PHOX2B: variants seen among roughly 807,000 people sequenced by gnomAD.
The protein encoded by PHOX2B is paired like homeobox 2B.
PHOX2B carries 1 observed loss-of-function variant against 15.5 expected under a neutral mutation model. The ratio of observed to expected loss-of-function variants is 0.06; its 90% confidence interval spans 0.02 to 0.31. PHOX2B has a LOEUF of 0.31. Ranked by LOEUF, PHOX2B falls within the 10% of genes least tolerant of loss-of-function variation. The pLI, the probability that PHOX2B is intolerant of heterozygous loss-of-function variation, is 1.00. For synonymous variants in PHOX2B, 206 were observed against 190.5 expected, an observed-to-expected ratio of 1.08 and a Z score of -0.67; for missense variants, 314 against 436.4, an observed-to-expected ratio of 0.72 and a Z score of 2.50.
intron 1 of PHOX2B, 25 bp downstream of exon 1, chr4:41,748,345 C>T (rs969971317): frequency 1.9e-6 from 3 of 1,613,140 alleles, no homozygotes; most frequent in Non-Finnish European, 2.5e-6. Flanking sequence ...CGGCTTCCTC[C>T]GCTGAGAAAG....
Position 41,745,206 on chromosome 4 carries a change from G to C in PHOX2B, c.*601C>G, listed in dbSNP as rs993284823. On this transcript the variant is annotated 3_prime_UTR_variant, in exon 3 of 3. Coordinates refer to ENST00000226382, the MANE Select transcript of PHOX2B (RefSeq NM_003924.4). The surrounding 1 kb of genome is among the most constrained non-coding windows in gnomAD (Gnocchi z 4.0). ...AGCGGATTTAGGGGTTCACAAGATC[G>C]AGCCTTCAGCTCCAGCTGCAGCTTC... 19 of 233,240 alleles carry C rather than the reference G, an allele frequency of 8.1e-5. No individual in the cohort carries two copies. The highest frequency in any genetic ancestry group is 4.2e-4 in the African/African-American group (19 of 45,310). The allele number at this position is 233,240 out of a possible 1,614,324, so 14.4% of individuals were successfully genotyped here.
rs764220516 is a variant in PHOX2B, at chr4:41,745,972, AGCTGCCGCC to A, written c.771_779del (p.Ala258_Ala260del). On this transcript the variant is annotated inframe_deletion, in exon 3 of 3. Coordinates refer to ENST00000226382, the MANE Select transcript of PHOX2B (RefSeq NM_003924.4). This position sits in a 1 kb window ranked among gnomAD's most constrained non-coding sequence, Gnocchi z 4.0. The stretch of plus-strand genomic sequence containing the variant: ...GGCCCCCAGCCGCAGCCAGGCCTCC[AGCTGCCGCC>A]GCTGCCGCTGCCGCCGCCGCCGCTG... The A allele has an allele frequency of 2.3e-6, 3 of 1,328,454 alleles. No homozygotes were observed. The highest frequency in any genetic ancestry group is 6.8e-5 in the Admixed American group (2 of 29,544). The allele number at this position is 1,328,454 out of a possible 1,614,324, so 82.3% of individuals were successfully genotyped here. A position where few individuals can be genotyped will look rare whatever the true frequency, so the allele number is the denominator to read the frequency against.
chr4:41,745,692 A>G lies in PHOX2B; in HGVS notation c.*115T>C. 7.3e-7 allele frequency: 1 copy of G among 1,363,654 alleles called. No homozygotes were observed. The highest frequency in any genetic ancestry group is 1.4e-5 in the South Asian group (1 of 71,378). The allele number at this position is 1,363,654 out of a possible 1,614,324, so 84.5% of individuals were successfully genotyped here. On this transcript the variant is annotated 3_prime_UTR_variant, in exon 3 of 3. Transcript: ENST00000226382. The surrounding 1 kb of genome is among the most constrained non-coding windows in gnomAD (Gnocchi z 4.0). ...GCGATTACTTTAGGCCCTCAATGAA[A>G]AAGCCATGGCAGCAGCGACGACAAT...
In PHOX2B at chr4:41,745,716, A is replaced by G. The variant is rs1374538940; in HGVS notation, c.*91T>C. 3 of 1,486,834 alleles carry G rather than the reference A, an allele frequency of 2.0e-6. No individual in the cohort carries two copies. Among genetic ancestry groups the G allele is most frequent in the South Asian group, 2.5e-5 (2 of 78,742 alleles). The allele number at this position is 1,486,834 out of a possible 1,614,324, so 92.1% of individuals were successfully genotyped here. ...AAAAGCCATGGCAGCAGCGACGACA[A>G]TAGCCTTGGGCCTACCCGCTCGCCC... On this transcript the variant is annotated 3_prime_UTR_variant, in exon 3 of 3. Coordinates refer to ENST00000226382, the MANE Select transcript of PHOX2B (RefSeq NM_003924.4). The surrounding 1 kb of genome is among the most constrained non-coding windows in gnomAD (Gnocchi z 4.0).
chr4:41,747,173 G>T (rs1733927685), intron 2 of PHOX2B, among the ~76,000 whole-genome samples, 176 bp downstream of exon 2: 1 of 152,164 alleles, frequency 6.6e-6, no homozygotes, highest in Non-Finnish European at 1.5e-5. Context: ...AAGAGCGTGC[G>T]CTCTAAGCCT....
chr4:41,747,499 G>C lies in PHOX2B; in HGVS notation c.279C>G (p.Asn93Lys), dbSNP rs1459081022. The C allele has an allele frequency of 1.9e-6, 3 of 1,610,092 alleles. No individual in the cohort carries two copies. Among genetic ancestry groups the C allele is most frequent in the Non-Finnish European group, 2.5e-6 (3 of 1,179,980 alleles). ...GGATGCGCCGCTGCTTGCGCTTCTC[G>C]TTGAGGCCGCCGTGGTCCGTGAAGA... is the stretch of plus-strand genomic sequence containing the variant. ...YKLFTDHGGL[N>K]EKRKQRRIRT... Residue 93 changes from asparagine to lysine, a missense_variant, in exon 2 of 3, where the codon AAC becomes AAG. Physicochemically the swap from Asn to Lys is moderately conservative, Grantham distance 94. This residue lies in a region of PHOX2B where 102 missense variants were observed against 155.1 expected (regional missense o/e 0.66). Transcript: ENST00000226382.
rs962054269 is a variant in PHOX2B at position 41,744,799 on chromosome 4, G to C, written c.*1008C>G. ...AGCAGTGCCAAAAAGTTCAGTAAAA[G>C]CTGGTGGAAGAAGAAAATGCCGACG... On this transcript the variant is annotated 3_prime_UTR_variant, in exon 3 of 3. Transcript: ENST00000226382. The C allele has an allele frequency of 7.3e-5, 17 of 233,584 alleles. No individual in the cohort carries two copies. The East Asian group carries it at 9.0e-4, about 12-fold the overall frequency. The allele number at this position is 233,584 out of a possible 1,614,324, so 14.5% of individuals were successfully genotyped here.
In PHOX2B at chr4:41,745,613, G is replaced by A. The variant is rs186778106; in HGVS notation, c.*194C>T. The A allele has an allele frequency of 2.7e-3, 1,644 of 613,302 alleles. 2 individuals carry two copies. Among genetic ancestry groups the A allele is most frequent in the South Asian group, 8.2e-3 (367 of 45,024 alleles). 38.0% of individuals were successfully genotyped at this position (613,302 alleles called of 1,614,324 possible). A position where few individuals can be genotyped will look rare whatever the true frequency, so the allele number is the denominator to read the frequency against. On this transcript the variant is annotated 3_prime_UTR_variant, in exon 3 of 3. Coordinates refer to ENST00000226382, the MANE Select transcript of PHOX2B (RefSeq NM_003924.4). The surrounding 1 kb of genome is among the most constrained non-coding windows in gnomAD (Gnocchi z 4.0). Reference sequence around the variant, plus strand: ...TTGTTTTGTTTGGGGGTTGAGGAAGGGGGTAGGAGTGGGGTTGAAATGAGG... The same window carrying A: ...TTGTTTTGTTTGGGGGTTGAGGAAGAGGGTAGGAGTGGGGTTGAAATGAGG...
chr4:41,748,016 TGTGAGCCGCTGTCG>T (rs775258033), intron 1 of PHOX2B, among the ~76,000 whole-genome samples: 18 of 151,952 alleles, frequency 1.2e-4, no homozygotes, highest in Non-Finnish European at 1.9e-4. Flanking sequence ...GCCAAAGAGG[TGTGAGCCGCTGTCG>T]GTTCTTAAAA....
rs77063847 is a variant in PHOX2B at position 41,746,691 on chromosome 4, T to C, written c.430-369A>G. On this transcript the variant is annotated intron_variant, in intron 2 of 2. Transcript: ENST00000226382. The stretch of plus-strand genomic sequence containing the variant: ...CACCCCTAAGCCTAAGTTCTAAAGT[T>C]AAACTCTAATTGGTAGAAGGAAAAG... Among the ~76,000 whole-genome samples, 1,169 of 150,454 alleles carry C rather than the reference T, an allele frequency of 7.8e-3. 25 individuals are homozygous for C. Among genetic ancestry groups the C allele is most frequent in the African/African-American group, 0.028 (1,116 of 40,176 alleles).
Position 41,745,884 on chromosome 4 carries a change from G to C in PHOX2B, c.868C>G (p.Pro290Ala), listed in dbSNP as rs2153112737. The change falls in exon 3 of 3, where the codon CCC (proline) becomes GCC (alanine). Residue 290 changes from proline (P) to alanine (A), a missense_variant. Transcript: ENST00000226382. The surrounding 1 kb of genome is among the most constrained non-coding windows in gnomAD (Gnocchi z 4.0). ...AGCGAAGATAGGACGCTGGCGAAGG[G>C]ACCCCCAAGCGAATCCGGGATGGAG... ...ITSIPDSLGG[P>A]FASVLSSLQR... The C allele has an allele frequency of 6.2e-7, 1 of 1,608,784 alleles. No homozygotes were observed. The highest frequency in any genetic ancestry group is 1.1e-5 in the South Asian group (1 of 90,590).
intron 1 of PHOX2B, chr4:41,747,849 A>C: frequency 1.8e-6 from 1 of 553,258 alleles, no homozygotes; most frequent in Non-Finnish European, 3.4e-6. Context: ...AAATCCAAAA[A>C]CATCAGTCGG....
Position 41,745,438 on chromosome 4 carries a change from A to G in PHOX2B, c.*369T>C, listed in dbSNP as rs760365271. The stretch of plus-strand genomic sequence containing the variant: ...TCACCTGCTTGGGCCACAGACACAC[A>G]TTCCCCGAGACAGACACAAACTGAC... On this transcript the variant is annotated 3_prime_UTR_variant, in exon 3 of 3. Transcript: ENST00000226382. The surrounding 1 kb of genome is among the most constrained non-coding windows in gnomAD (Gnocchi z 4.0). 1.6e-5 allele frequency: 4 copies of G among 255,498 alleles called. No individual in the cohort carries two copies. The highest frequency in any genetic ancestry group is 5.5e-5 in the Admixed American group (1 of 18,096). 15.8% of individuals were successfully genotyped at this position (255,498 alleles called of 1,614,324 possible). A position where few individuals can be genotyped will look rare whatever the true frequency, so the allele number is the denominator to read the frequency against.
At chr4:41,746,354 CA>C (rs1733900296) in intron 2 of PHOX2B, 32 bp from the exon 3 acceptor site, 8 of 1,611,044 alleles carry the variant, frequency 5.0e-6, no homozygotes, top group Non-Finnish European at 6.8e-6. Flanking sequence ...GACGGTGAAG[CA>C]GGGGGAGAAA....
At position 41,746,170 on chromosome 4, in the gene PHOX2B, G is replaced by T; in HGVS notation, c.582C>A (p.Ser194Arg). ...TGGGATTGGGACCTGGGCCCCCAGTGCTGTCCGGGTCAGTGCTCTTGGCCT... is the reference window on the plus strand; with the variant it reads ...TGGGATTGGGACCTGGGCCCCCAGTTCTGTCCGGGTCAGTGCTCTTGGCCT... ...SKEAKSTDPD[S>R]TGGPGPNPNP... Residue 194 changes from serine (S) to arginine (R), a missense_variant, in exon 3 of 3, where the codon AGC (serine) becomes AGA (arginine). Physicochemically the swap from Ser to Arg is moderately radical, Grantham distance 110. Around this residue, in one of 7 missense-constraint regions of PHOX2B, gnomAD observed 4 missense variants for 18.1 expected, o/e 0.22. Transcript: ENST00000226382. 2 of 1,613,318 alleles carry T rather than the reference G, an allele frequency of 1.2e-6. No individual in the cohort carries two copies. Among genetic ancestry groups the T allele is most frequent in the Admixed American group, 3.3e-5 (2 of 60,028 alleles).
chr4:41,745,622 G>A lies in PHOX2B; in HGVS notation c.*185C>T. 1.5e-6 allele frequency: 1 copy of A among 671,110 alleles called. No homozygotes were observed. The highest frequency in any genetic ancestry group is 2.4e-6 in the Non-Finnish European group (1 of 422,748). The allele number at this position is 671,110 out of a possible 1,614,324, so 41.6% of individuals were successfully genotyped here. A position where few individuals can be genotyped will look rare whatever the true frequency, so the allele number is the denominator to read the frequency against. On this transcript the variant is annotated 3_prime_UTR_variant, in exon 3 of 3. Coordinates refer to ENST00000226382, the MANE Select transcript of PHOX2B (RefSeq NM_003924.4). The surrounding 1 kb of genome is among the most constrained non-coding windows in gnomAD (Gnocchi z 4.0). ...TTGGGGGTTGAGGAAGGGGGTAGGA[G>A]TGGGGTTGAAATGAGGGCGACGCCG...
intron 1 of PHOX2B, 97 bp from the exon 2 acceptor site, chr4:41,747,633 G>C (rs753047659): frequency 9.0e-6 from 9 of 1,004,154 alleles, no homozygotes; most frequent in African/African-American, 1.6e-5. Context: ...AGGTCATACG[G>C]CAGCCGCTAC....
chr4:41,746,607 C>T (rs574081181), intron 2 of PHOX2B, among the ~76,000 whole-genome samples: 1 of 152,270 alleles, frequency 6.6e-6, no homozygotes, highest in African/African-American at 2.4e-5. Context: ...AAAGGGAAGG[C>T]CTTATTTTGG....
chr4:41,748,416 G>A lies in PHOX2B; in HGVS notation c.195C>T (p.Cys65=). The change falls in exon 1 of 3, where the codon TGC becomes TGT. Residue 65 remains cysteine, a synonymous_variant. Coordinates refer to ENST00000226382, the MANE Select transcript of PHOX2B (RefSeq NM_003924.4). ...GGTGGTCCCTGAGGGTGCCCAGGCT[G>A]CAGGATCCCGGCGTGAGGGAAGGGC... ...SGCPSLTPGS[C]SLGTLRDHQS... is the part of the protein sequence containing the mutation. 6.2e-7 allele frequency: 1 copy of A among 1,614,134 alleles called. No individual in the cohort carries two copies. Among genetic ancestry groups the A allele is most frequent in the Non-Finnish European group, 8.5e-7 (1 of 1,179,980 alleles).
Sources: gnomAD v4.1 joint callset for allele counts (sites outside exome capture counted in the v4.1 genomes callset) on GRCh38, gnomAD v4.1.1 for gene constraint, gnomAD v4.1.1 regional missense constraint, Gnocchi (gnomAD v3.1) non-coding constraint, MANE v1.5 for transcripts, NCBI Gene and HGNC (gene_info 2026-07-23, HGNC 2026-07-21) for gene names.